DAB1: variants seen among roughly 807,000 people sequenced by gnomAD.
DAB1 encodes disabled homolog 1.
In DAB1, 15 loss-of-function variants were observed where a neutral mutation model predicts 64.6. That is an observed-to-expected ratio of 0.23 (90% CI 0.16 to 0.36). DAB1 has a LOEUF of 0.36. Among genes scored for constraint, DAB1 ranks in the 10% least tolerant of loss-of-function variants. The pLI is 1.00. For missense variants in DAB1, 596 were observed against 706.7 expected (o/e 0.84, Z 1.78); for synonymous variants, 235 against 251.9 (o/e 0.93, Z 0.64).
At chr1:57,282,002 C>A (rs1026232694) in intron 2 of DAB1, among the ~76,000 whole-genome samples, 1 of 151,478 alleles carries the variant, frequency 6.6e-6, no homozygotes, top group Non-Finnish European at 1.5e-5. Context: ...GCCAACATGG[C>A]GAAACCCCAT....
At chr1:57,121,531 G>A (rs760409989) in intron 4 of DAB1, among the ~76,000 whole-genome samples, 1 of 151,782 alleles carries the variant, frequency 6.6e-6, no homozygotes, top group Non-Finnish European at 1.5e-5. Flanking sequence ...GAGAAACACT[G>A]CTTAATAAAT....
chr1:57,695,120 A>G (rs991611406), intron 6 of DAB1, among the ~76,000 whole-genome samples: 4 of 151,748 alleles, frequency 2.6e-5, no homozygotes, highest in Non-Finnish European at 5.9e-5. Flanking sequence ...GCTACTCAGG[A>G]TGCTGAGACG....
intron 6 of DAB1, among the ~76,000 whole-genome samples, chr1:57,695,208 A>G (rs1381283190): frequency 6.6e-6 from 1 of 150,550 alleles, no homozygotes; most frequent in Non-Finnish European, 1.5e-5. Context: ...TGGGTGACAG[A>G]GCAAGACCCT....
chr1:57,747,928 G>A (rs1338914203), intron 6 of DAB1, among the ~76,000 whole-genome samples: 1 of 151,944 alleles, frequency 6.6e-6, no homozygotes, highest in Admixed American at 6.6e-5. Flanking sequence ...GGCTGAGCAG[G>A]AAGTTTAAAG....
intron 1 of DAB1, among the ~76,000 whole-genome samples, chr1:57,870,359 G>C (rs1643922185): frequency 6.6e-6 from 1 of 152,114 alleles, no homozygotes; most frequent in Non-Finnish European, 1.5e-5. Context: ...GCCTAATAGG[G>C]AGGTGGCTGG....
At chr1:57,415,359 C>A (rs1326596007) in intron 1 of DAB1, among the ~76,000 whole-genome samples, 1 of 149,656 alleles carries the variant, frequency 6.7e-6, no homozygotes, top group African/African-American at 2.5e-5. Flanking sequence ...TAGAAGACAA[C>A]AAAGGAGAAT....
At chr1:58,217,427 C>T (rs1271708232) in intron 4 of DAB1, among the ~76,000 whole-genome samples, 1 of 152,206 alleles carries the variant, frequency 6.6e-6, no homozygotes, top group Non-Finnish European at 1.5e-5. Context: ...TCAGCAGGCC[C>T]AGCATTGGCT....
intron 11 of DAB1, among the ~76,000 whole-genome samples, chr1:57,017,008 C>T (rs1646457196): frequency 6.6e-6 from 1 of 152,116 alleles, no homozygotes; most frequent in Admixed American, 6.5e-5. Flanking sequence ...CCCCCCAAAG[C>T]CAGGGTTCCT....
chr1:57,530,828 T>A (rs981218760), intron 7 of DAB1, among the ~76,000 whole-genome samples: 9 of 152,204 alleles, frequency 5.9e-5, no homozygotes, highest in African/African-American at 2.2e-4. Flanking sequence ...CAGGAAGGCA[T>A]TAAAAAGCAT....
Position 58,094,106 on chromosome 1 carries a change from G to A in DAB1, n.387+56405C>T, listed in dbSNP as rs144412657. Among the ~76,000 whole-genome samples, 452 of 152,288 alleles carry A rather than the reference G, an allele frequency of 3.0e-3. 4 individuals are homozygous for A. Among genetic ancestry groups the A allele is most frequent in the African/African-American group, 0.01 (435 of 41,562 alleles). ...TGTCCCATGGCTAGACCCTCTACTG[G>A]ATAGGCCTACTGGGGTGCAGCTCCC... On this transcript the variant is annotated intron_variant and non_coding_transcript_variant, in intron 5 of 20. Coordinates refer to the DAB1 transcript ENST00000485760.
At chr1:57,900,430 G>A (rs1213810175) in intron 5 of DAB1, among the ~76,000 whole-genome samples, 2 of 152,192 alleles carry the variant, frequency 1.3e-5, no homozygotes, top group Admixed American at 6.5e-5. Flanking sequence ...TCAGCCTAAC[G>A]AGAATGAGGA....
At chr1:57,802,521 T>C (rs1437572484) in intron 6 of DAB1, among the ~76,000 whole-genome samples, 1 of 152,172 alleles carries the variant, frequency 6.6e-6, no homozygotes, top group African/African-American at 2.4e-5. Context: ...TTGTCTGTGA[T>C]ATGGTTTGGA....
At chr1:57,602,830 G>A (rs1645590549) in intron 7 of DAB1, among the ~76,000 whole-genome samples, 1 of 152,102 alleles carries the variant, frequency 6.6e-6, no homozygotes, top group African/African-American at 2.4e-5. Context: ...AGAGCACTGA[G>A]GGCAGAGCAT....
chr1:58,086,882 A>G (rs535947786), intron 5 of DAB1, among the ~76,000 whole-genome samples: 1 of 152,066 alleles, frequency 6.6e-6, no homozygotes, highest in Non-Finnish European at 1.5e-5. Context: ...CTTCCTCCTG[A>G]TGTTCCAACA....
In DAB1 at chr1:58,038,504, G is replaced by A. The variant is rs190123228; in HGVS notation, n.387+112007C>T. On this transcript the variant is annotated intron_variant and non_coding_transcript_variant, in intron 5 of 20. Coordinates refer to the DAB1 transcript ENST00000485760. ...GAAAAGGAAACATTTGTGAATCAGCGGTTACCAACTGAGCACTCAGCCATG... is the reference window on the plus strand; with the variant it reads ...GAAAAGGAAACATTTGTGAATCAGCAGTTACCAACTGAGCACTCAGCCATG... Among the ~76,000 whole-genome samples the A allele has an allele frequency of 1.1e-3, 172 of 152,220 alleles. 4 individuals carry two copies. Among genetic ancestry groups the A allele is most frequent in the African/African-American group, 4.0e-3 (165 of 41,510 alleles).
chr1:58,407,394 C>A (rs1644626316), intron 3 of DAB1, among the ~76,000 whole-genome samples: 1 of 152,198 alleles, frequency 6.6e-6, no homozygotes, highest in Non-Finnish European at 1.5e-5. Context: ...ACAGTCCTAG[C>A]ATGTAGATAT....
chr1:58,226,220 G>C (rs1381263156), intron 4 of DAB1, among the ~76,000 whole-genome samples: 1 of 152,178 alleles, frequency 6.6e-6, no homozygotes, highest in African/African-American at 2.4e-5. Context: ...GCTCAGTGTG[G>C]CATGGAAGAG....
chr1:57,294,019 G>A (rs1672993773), intron 1 of DAB1, among the ~76,000 whole-genome samples: 1 of 152,170 alleles, frequency 6.6e-6, no homozygotes, highest in Admixed American at 6.5e-5. Flanking sequence ...CTGTGAGAAT[G>A]TACCACAGTG....
chr1:57,303,452 A>G (rs1237285167), intron 1 of DAB1, among the ~76,000 whole-genome samples: 2 of 152,204 alleles, frequency 1.3e-5, no homozygotes, highest in Non-Finnish European at 2.9e-5. Flanking sequence ...TCAGCCTGGC[A>G]GAAAGAACTA....
Sources: gnomAD v4.1 joint callset for allele counts (sites outside exome capture counted in the v4.1 genomes callset) on GRCh38, gnomAD v4.1.1 for gene constraint, MANE v1.5 for transcripts, NCBI Gene and HGNC (gene_info 2026-07-23, HGNC 2026-07-21) for gene names.